The following SMYD3 variants were observed in gnomAD, a reference collection of about 807,000 sequenced individuals.
The protein encoded by SMYD3 is SET and MYND domain containing 3, also known as histone-lysine N-methyltransferase SMYD3.
Under a neutral mutation model 57.7 loss-of-function variants are expected in SMYD3, and 36 were observed. The observed-to-expected ratio is 0.62, with a 90% CI of 0.48 to 0.82. The LOEUF is 0.82. Among genes scored for constraint, SMYD3 ranks in the 40% least tolerant of loss-of-function variants. The pLI is 0.00. For missense variants in SMYD3, 515 were observed against 538.8 expected (o/e 0.96, Z 0.44); for synonymous variants, 211 against 195.0 (o/e 1.08, Z -0.68).
intron 5 of SMYD3, among the ~76,000 whole-genome samples, chr1:246,087,368 A>G (rs1054284425): frequency 1.3e-5 from 2 of 152,202 alleles, no homozygotes; most frequent in African/African-American, 4.8e-5. Flanking sequence ...AATCATCTCT[A>G]GAACCCTGGG....
chr1:246,419,727 C>A (rs1286771752), intron 1 of SMYD3, among the ~76,000 whole-genome samples: 2 of 152,224 alleles, frequency 1.3e-5, no homozygotes, highest in Admixed American at 1.3e-4. Flanking sequence ...GTGAACTGCA[C>A]ATGGCAGGGA....
intron 11 of SMYD3, among the ~76,000 whole-genome samples, chr1:245,755,568 G>T (rs1246763064): frequency 1.3e-5 from 2 of 152,086 alleles, no homozygotes; most frequent in Non-Finnish European, 2.9e-5. Context: ...CAACTGTGTT[G>T]TTTGGTGCAT....
At chr1:246,331,903 A>C (rs937316523) in intron 3 of SMYD3, among the ~76,000 whole-genome samples, 10 of 152,188 alleles carry the variant, frequency 6.6e-5, no homozygotes, top group African/African-American at 2.4e-4. Flanking sequence ...GGGTACCACA[A>C]ACCATCCCCA....
intron 1 of SMYD3, among the ~76,000 whole-genome samples, chr1:246,412,543 T>C (rs979424520): frequency 6.6e-6 from 1 of 152,154 alleles, no homozygotes; most frequent in African/African-American, 2.4e-5. Flanking sequence ...CCTGATTTTT[T>C]TTTTTCAGTA....
At chr1:246,082,050 A>C (rs2060645829) in intron 5 of SMYD3, among the ~76,000 whole-genome samples, 1 of 152,172 alleles carries the variant, frequency 6.6e-6, no homozygotes, top group South Asian at 2.1e-4. Flanking sequence ...TTCTAGTCTC[A>C]CAGGCTGGCT....
rs1471577909 is a variant in SMYD3 at position 246,335,444 on chromosome 1, A to C, written c.259T>G (p.Cys87Gly). Residue 87 changes from cysteine (C) to glycine (G), a missense_variant, in exon 3 of 12, where the codon TGC (cysteine) becomes GGC (glycine). Transcript: ENST00000490107. ...GGTTTGCAGCTTTTAAGGCATTTGC[A>C]TTCCCGCTTGTGGTCTGGCCAAGCT... ...KKAWPDHKRE[C>G]KCLKSCKPRY... 3 of 1,614,182 alleles carry C rather than the reference A, an allele frequency of 1.9e-6. No individual in the cohort carries two copies. The highest frequency in any genetic ancestry group is 2.5e-6 in the Non-Finnish European group (3 of 1,180,014).
chr1:246,394,476 C>T (rs1165807199), intron 1 of SMYD3, among the ~76,000 whole-genome samples: 1 of 152,224 alleles, frequency 6.6e-6, no homozygotes, highest in Non-Finnish European at 1.5e-5. Flanking sequence ...AGAGGCCGAA[C>T]CTTAATCATT....
intron 10 of SMYD3, among the ~76,000 whole-genome samples, chr1:245,787,615 C>T (rs1333168199): frequency 6.9e-6 from 1 of 145,336 alleles, no homozygotes; most frequent in East Asian, 2.2e-4. Flanking sequence ...AAGTCTGATC[C>T]CATCAGGGTG....
chr1:245,804,812 G>A (rs1257926727), intron 10 of SMYD3, among the ~76,000 whole-genome samples: 1 of 152,184 alleles, frequency 6.6e-6, no homozygotes, highest in African/African-American at 2.4e-5. Flanking sequence ...GCCCTCACCA[G>A]GCGCTGAACC....
At chr1:246,461,098 G>C (rs552383449) in intron 1 of SMYD3, among the ~76,000 whole-genome samples, 1 of 152,186 alleles carries the variant, frequency 6.6e-6, no homozygotes, top group Admixed American at 6.6e-5. Flanking sequence ...TCTGAAAAAT[G>C]TAAGTTAAAG....
At chr1:246,394,639 C>T (rs1022917001) in intron 1 of SMYD3, among the ~76,000 whole-genome samples, 1 of 152,302 alleles carries the variant, frequency 6.6e-6, no homozygotes, top group Admixed American at 6.5e-5. Flanking sequence ...GCAATCAACT[C>T]CCAAACTTAG....
chr1:245,816,115 C>T (rs2048788433), intron 10 of SMYD3, among the ~76,000 whole-genome samples: 1 of 152,208 alleles, frequency 6.6e-6, no homozygotes, highest in Admixed American at 6.5e-5. Context: ...TTCAATGAAG[C>T]TTCTAGAGAA....
At chr1:246,340,167 A>T (rs2065610576) in intron 2 of SMYD3, among the ~76,000 whole-genome samples, 1 of 152,114 alleles carries the variant, frequency 6.6e-6, no homozygotes, top group Admixed American at 6.5e-5. Flanking sequence ...TAAATATTGT[A>T]TAATATTAAG....
Position 246,361,355 on chromosome 1 carries a change from TA to T in SMYD3, c.165-6262del, listed in dbSNP as rs1408361379. On this transcript the variant is annotated intron_variant, in intron 1 of 11. Transcript: ENST00000490107. ...CACTTTTACACTGTTGGTGGGAATG[TA>T]AACCAGTACAACCACTATGGAAAAC... Among the ~76,000 whole-genome samples the T allele has an allele frequency of 3.9e-5, 6 of 152,328 alleles. No homozygotes were observed. The East Asian group carries it at 1.2e-3, about 29-fold the overall frequency.
intron 5 of SMYD3, among the ~76,000 whole-genome samples, chr1:245,932,285 G>A (rs1240145320): frequency 6.6e-6 from 1 of 152,082 alleles, no homozygotes; most frequent in African/African-American, 2.4e-5. Context: ...TTTTCCATCG[G>A]TTTATTTCAT....
At chr1:246,448,683 C>G (rs2067583401) in intron 1 of SMYD3, among the ~76,000 whole-genome samples, 1 of 106,904 alleles carries the variant, frequency 9.4e-6, no homozygotes, top group African/African-American at 3.9e-5. Context: ...GGGAACACAG[C>G]AAGATCTCAT....
At chr1:246,150,385 T>C (rs1324803447) in intron 5 of SMYD3, among the ~76,000 whole-genome samples, 1 of 152,100 alleles carries the variant, frequency 6.6e-6, no homozygotes, top group Non-Finnish European at 1.5e-5. Flanking sequence ...AAAATGACTC[T>C]GGTAAAGTGA....
intron 10 of SMYD3, among the ~76,000 whole-genome samples, chr1:245,857,050 G>A (rs1187573181): frequency 1.3e-5 from 2 of 152,178 alleles, no homozygotes; most frequent in African/African-American, 4.8e-5. Context: ...ATCACTCTGA[G>A]CAGGCATTTC....
chr1:246,313,679 AAAC>A (rs1331349185), intron 5 of SMYD3, among the ~76,000 whole-genome samples: 2 of 152,212 alleles, frequency 1.3e-5, no homozygotes, highest in Non-Finnish European at 2.9e-5. Flanking sequence ...ATTTATTCAA[AAAC>A]AACATTTTAA....
Sources: allele counts gnomAD v4.1 joint callset (sites outside exome capture counted in the v4.1 genomes callset), GRCh38; gene constraint gnomAD v4.1.1; transcripts MANE v1.5; gene names NCBI Gene and HGNC (gene_info 2026-07-23, HGNC 2026-07-21).